The following ZIC1 variants were observed in gnomAD, a reference collection of about 807,000 sequenced individuals.
ZIC1 encodes the protein Zic family zinc finger 1.
Under a neutral mutation model 30.9 loss-of-function variants are expected in ZIC1, and 4 were observed. That is an observed-to-expected ratio of 0.13 (90% CI 0.06 to 0.30). The LOEUF (loss-of-function observed/expected upper bound fraction) is 0.30, where lower values mean the gene tolerates loss of function less well. ZIC1 is among the 10% of genes least tolerant of loss of function. ZIC1 has a pLI of 1.00. For missense variants in ZIC1, 441 were observed against 639.3 expected (o/e 0.69, Z 3.34); for synonymous variants, 305 against 277.5 (o/e 1.10, Z -0.98).
At position 147,410,674 on chromosome 3, in the gene ZIC1, C is replaced by T; in HGVS notation, c.562C>T (p.His188Tyr). Reference sequence around the variant, plus strand: ...CCAGGTGACCAGCCCGCGTTCGGAGCACTATGCTGCGCCGCAGCTGCACGG... The same window carrying T: ...CCAGGTGACCAGCCCGCGTTCGGAGTACTATGCTGCGCCGCAGCTGCACGG... Reference protein sequence around the residue: ...YGQVTSPRSEHYAAPQLHGYG... With the variant: ...YGQVTSPRSEYYAAPQLHGYG... Residue 188 changes from histidine to tyrosine, a missense_variant, in exon 1 of 3, where the codon CAC (histidine) becomes TAC (tyrosine). Around this residue, in one of 5 missense-constraint regions of ZIC1, gnomAD observed 307 missense variants for 355.3 expected, o/e 0.86. Coordinates refer to ENST00000282928, the MANE Select transcript of ZIC1 (RefSeq NM_003412.4). 1.2e-6 allele frequency: 2 copies of T among 1,613,932 alleles called. No homozygotes were observed. The highest frequency in any genetic ancestry group is 2.2e-5 in the South Asian group (2 of 91,074).
At position 147,413,443 on chromosome 3, in the gene ZIC1, C is replaced by T. The variant is rs1476628838; in HGVS notation, c.1236C>T (p.Pro412=). 1 of 1,614,106 alleles carries T rather than the reference C, an allele frequency of 6.2e-7. No individual in the cohort carries two copies. The highest frequency in any genetic ancestry group is 8.5e-7 in the Non-Finnish European group (1 of 1,180,060). Reference sequence around the variant, plus strand: ...CCACGCCTCCCACCATCGTGTCTCCCTCCACAGACAACCCGACCACAAGCT... The same window carrying T: ...CCACGCCTCCCACCATCGTGTCTCCTTCCACAGACAACCCGACCACAAGCT... ...ESSTPPTIVS[P]STDNPTTSSL... Residue 412 remains proline, a synonymous_variant, in exon 3 of 3, where the codon CCC becomes CCT. Transcript: ENST00000282928.
Position 147,410,453 on chromosome 3 carries a change from C to G in ZIC1, c.341C>G (p.Ala114Gly), listed in dbSNP as rs766422891. 7 of 1,604,408 alleles carry G rather than the reference C, an allele frequency of 4.4e-6. No homozygotes were observed. The highest frequency in any genetic ancestry group is 5.1e-6 in the Non-Finnish European group (6 of 1,179,502). The change falls in exon 1 of 3, where the codon GCC becomes GGC. Residue 114 changes from alanine to glycine, a missense_variant. Coordinates refer to ENST00000282928, the MANE Select transcript of ZIC1 (RefSeq NM_003412.4). ...NRGFGDAAAA[A>G]SAQHSLFAAS... ...GGTTTTGGCGACGCGGCGGCGGCAG[C>G]CAGCGCACAGCACAGCCTCTTTGCT...
Position 147,410,137 on chromosome 3 carries a change from T to C in ZIC1, c.25T>C (p.Tyr9His). 2 of 1,589,582 alleles carry C rather than the reference T, an allele frequency of 1.3e-6. No homozygotes were observed. The highest frequency in any genetic ancestry group is 1.7e-6 in the Non-Finnish European group (2 of 1,175,014). The change falls in exon 1 of 3, where the codon TAC becomes CAC. Residue 9 changes from tyrosine (Y) to histidine (H), a missense_variant. Tyr to His is a moderately conservative substitution (Grantham distance 83). Around this residue, in one of 5 missense-constraint regions of ZIC1, gnomAD observed 307 missense variants for 355.3 expected, o/e 0.86. Transcript: ENST00000282928. The stretch of plus-strand genomic sequence containing the variant: ...GATGCTCCTGGACGCCGGCCCCCAG[T>C]ACCCAGCGATCGGCGTGACCACCTT... MLLDAGPQ[Y>H]PAIGVTTFGA...
In ZIC1 at chr3:147,416,583, C is replaced by T. The variant is rs1387291974; in HGVS notation, c.*3032C>T. Reference sequence around the variant, plus strand: ...GGGGTAAATGTTTACTTCAAAATGACTCCATATTTCAAATATCTGTTTAGA... The same window carrying T: ...GGGGTAAATGTTTACTTCAAAATGATTCCATATTTCAAATATCTGTTTAGA... On this transcript the variant is annotated 3_prime_UTR_variant, in exon 3 of 3. Transcript: ENST00000282928. 2.0e-5 allele frequency: 3 copies of T among 152,132 alleles called. No individual in the cohort carries two copies. Among genetic ancestry groups the T allele is most frequent in the Non-Finnish European group, 4.4e-5 (3 of 68,014 alleles). 9.4% of individuals were successfully genotyped at this position (152,132 alleles called of 1,614,324 possible). A position where few individuals can be genotyped will look rare whatever the true frequency, so the allele number is the denominator to read the frequency against.
chr3:147,411,925 C>T (rs2087383728), intron 1 of ZIC1, among the ~76,000 whole-genome samples: 1 of 152,132 alleles, frequency 6.6e-6, no homozygotes, highest in African/African-American at 2.4e-5. Flanking sequence ...AACTGGGTCT[C>T]CTTTCCTATT....
At position 147,410,250 on chromosome 3, in the gene ZIC1, C is replaced by T; in HGVS notation, c.138C>T (p.Ala46=). The T allele has an allele frequency of 1.2e-6, 2 of 1,601,148 alleles. No individual in the cohort carries two copies. The part of the protein sequence containing the change: ...GINPFADGMG[A]FKLNPSSHEL... Reference sequence around the variant, plus strand: ...ACCCGTTCGCCGACGGCATGGGCGCCTTCAAGCTCAACCCCAGTTCGCACG... The same window carrying T: ...ACCCGTTCGCCGACGGCATGGGCGCTTTCAAGCTCAACCCCAGTTCGCACG... Residue 46 remains alanine, a synonymous_variant, in exon 1 of 3, where the codon GCC becomes GCT. Transcript: ENST00000282928.
chr3:147,411,860 T>C (rs1244576494), intron 1 of ZIC1, among the ~76,000 whole-genome samples: 2 of 150,276 alleles, frequency 1.3e-5, no homozygotes, highest in Non-Finnish European at 3.0e-5. Flanking sequence ...GAGCTCAGGG[T>C]TGTAGCCTGG....
At position 147,410,611 on chromosome 3, in the gene ZIC1, T is replaced by C. The variant is rs754324265; in HGVS notation, c.499T>C (p.Phe167Leu). Reference sequence around the variant, plus strand: ...GGTCAACGGGCAGATGAGGCTCGGCTTCTCGGGGGACATGTACCCGCGACC... The same window carrying C: ...GGTCAACGGGCAGATGAGGCTCGGCCTCTCGGGGGACATGTACCCGCGACC... ...NVVNGQMRLG[F>L]SGDMYPRPEQ... is the part of the protein sequence containing the mutation. The change falls in exon 1 of 3, where the codon TTC (phenylalanine) becomes CTC (leucine). Residue 167 changes from phenylalanine to leucine, a missense_variant. Phe to Leu is a conservative substitution (Grantham distance 22, BLOSUM62 0). Around this residue, in one of 5 missense-constraint regions of ZIC1, gnomAD observed 307 missense variants for 355.3 expected, o/e 0.86. Transcript: ENST00000282928. 6.2e-7 allele frequency: 1 copy of C among 1,613,336 alleles called. No homozygotes were observed. The highest frequency in any genetic ancestry group is 2.2e-5 in the East Asian group (1 of 44,852).
rs2087340427 is a variant in ZIC1, at chr3:147,409,396, A to G, written c.-717A>G. ...TTTATCTGCAGGAATGATTGCTGCT[A>G]TCAGTCTCGCGCTCACCGCCCGGCT... On this transcript the variant is annotated 5_prime_UTR_variant, in exon 1 of 3. Coordinates refer to ENST00000282928, the MANE Select transcript of ZIC1 (RefSeq NM_003412.4). The G allele has an allele frequency of 6.6e-6, 1 of 152,662 alleles. No individual in the cohort carries two copies. Among genetic ancestry groups the G allele is most frequent in the Non-Finnish European group, 1.5e-5 (1 of 68,054 alleles). The allele number at this position is 152,662 out of a possible 1,614,324, so 9.5% of individuals were successfully genotyped here.
Position 147,410,536 on chromosome 3 carries a change from C to T in ZIC1, c.424C>T (p.Leu142Phe). The T allele has an allele frequency of 6.2e-7, 1 of 1,610,380 alleles. No homozygotes were observed. The highest frequency in any genetic ancestry group is 8.5e-7 in the Non-Finnish European group (1 of 1,179,270). Residue 142 changes from leucine to phenylalanine, a missense_variant, in exon 1 of 3, where the codon CTC becomes TTC. Transcript: ENST00000282928. ...HGHTDAAGHL[L>F]FPGLHEQAAG... ...CCACACGGACGCCGCGGGCCACCTC[C>T]TCTTCCCCGGGCTTCACGAGCAGGC...
At position 147,410,171 on chromosome 3, in the gene ZIC1, C is replaced by T. The variant is rs2107992621; in HGVS notation, c.59C>T (p.Ser20Phe). The T allele has an allele frequency of 6.3e-7, 1 of 1,599,626 alleles. No homozygotes were observed. The highest frequency in any genetic ancestry group is 1.7e-5 in the Admixed American group (1 of 59,944). The stretch of plus-strand genomic sequence containing the variant: ...ATCGGCGTGACCACCTTTGGCGCGT[C>T]CCGCCACCACTCCGCGGGCGACGTG... Reference protein sequence around the residue: ...PAIGVTTFGASRHHSAGDVAE... With the variant: ...PAIGVTTFGAFRHHSAGDVAE... Residue 20 changes from serine to phenylalanine, a missense_variant, in exon 1 of 3, where the codon TCC becomes TTC. By Grantham distance (155) the Ser-to-Phe change is radical. Transcript: ENST00000282928.
Position 147,410,246 on chromosome 3 carries a change from G to C in ZIC1, c.134G>C (p.Gly45Ala), listed in dbSNP as rs764013113. 3.2e-5 allele frequency: 51 copies of C among 1,601,016 alleles called. No homozygotes were observed. Among genetic ancestry groups the C allele is most frequent in the Non-Finnish European group, 4.2e-5 (50 of 1,179,694 alleles). Reference sequence around the variant, plus strand: ...ATCAACCCGTTCGCCGACGGCATGGGCGCCTTCAAGCTCAACCCCAGTTCG... The same window carrying C: ...ATCAACCCGTTCGCCGACGGCATGGCCGCCTTCAAGCTCAACCCCAGTTCG... ...LGINPFADGM[G>A]AFKLNPSSHE... The change falls in exon 1 of 3, where the codon GGC (glycine) becomes GCC (alanine). Residue 45 changes from glycine (G) to alanine (A), a missense_variant. This residue lies in a region of ZIC1 where 307 missense variants were observed against 355.3 expected (regional missense o/e 0.86). Transcript: ENST00000282928.
Position 147,414,219 on chromosome 3 carries a change from A to G in ZIC1, c.*668A>G, listed in dbSNP as rs897863871. The G allele has an allele frequency of 1.3e-5, 2 of 152,584 alleles. No homozygotes were observed. The highest frequency in any genetic ancestry group is 4.8e-5 in the African/African-American group (2 of 41,418). The allele number at this position is 152,584 out of a possible 1,614,324, so 9.5% of individuals were successfully genotyped here. On this transcript the variant is annotated 3_prime_UTR_variant, in exon 3 of 3. Coordinates refer to ENST00000282928, the MANE Select transcript of ZIC1 (RefSeq NM_003412.4). ...TGCTTTTTTTGTATAAAGTGCAAAC[A>G]TTTCGTCCCAAAGTCTAAGTACTTT... is the stretch of plus-strand genomic sequence containing the variant.
In ZIC1 at chr3:147,412,636, C is replaced by T. The variant is rs777958545; in HGVS notation, c.1101C>T (p.Cys367=). ...TSDKPYLCKM[C]DKSYTHPSSL... ...ACAAGCCCTATCTTTGCAAGATGTG[C>T]GACAAGTCCTACACGCATCCCAGTT... Residue 367 remains cysteine, a synonymous_variant, in exon 2 of 3, where the codon TGC becomes TGT. Transcript: ENST00000282928. The T allele has an allele frequency of 6.2e-7, 1 of 1,614,182 alleles. No homozygotes were observed. Among genetic ancestry groups the T allele is most frequent in the Non-Finnish European group, 8.5e-7 (1 of 1,180,032 alleles).
chr3:147,412,845 G>C (rs1184084505), intron 2 of ZIC1, among the ~76,000 whole-genome samples, 164 bp downstream of exon 2: 3 of 152,192 alleles, frequency 2.0e-5, no homozygotes, highest in Admixed American at 1.3e-4. Flanking sequence ...GGCGGGACCT[G>C]GAAAAGGGGA....
Position 147,413,403 on chromosome 3 carries a change from C to T in ZIC1, c.1196C>T (p.Ser399Phe), listed in dbSNP as rs2087400103. 1 of 1,614,010 alleles carries T rather than the reference C, an allele frequency of 6.2e-7. No homozygotes were observed. The highest frequency in any genetic ancestry group is 1.7e-5 in the Admixed American group (1 of 60,004). ...TCGCAGCCTTCGCCGGCCGCCAGCT[C>T]TGGCTACGAATCCTCCACGCCTCCC... is the stretch of plus-strand genomic sequence containing the variant. ...QGSQPSPAASSGYESSTPPTI... is the reference protein window; with the variant it reads ...QGSQPSPAASFGYESSTPPTI... Residue 399 changes from serine to phenylalanine, a missense_variant, in exon 3 of 3, where the codon TCT becomes TTT. Physicochemically the swap from Ser to Phe is radical, Grantham distance 155 (BLOSUM62 -2). Around this residue, in one of 5 missense-constraint regions of ZIC1, gnomAD observed 31 missense variants for 65.2 expected, o/e 0.48. Transcript: ENST00000282928.
chr3:147,410,692 C>T lies in ZIC1; in HGVS notation c.580C>T (p.Leu194=). 6.2e-7 allele frequency: 1 copy of T among 1,613,984 alleles called. No homozygotes were observed. Among genetic ancestry groups the T allele is most frequent in the South Asian group, 1.1e-5 (1 of 91,072 alleles). Residue 194 remains leucine, a synonymous_variant, in exon 1 of 3, where the codon CTG becomes TTG. Transcript: ENST00000282928. ...PRSEHYAAPQ[L]HGYGPMNVNM... ...TTCGGAGCACTATGCTGCGCCGCAG[C>T]TGCACGGCTACGGGCCCATGAACGT...
intron 2 of ZIC1, among the ~76,000 whole-genome samples, chr3:147,413,066 A>G (rs1176541640): frequency 6.6e-6 from 1 of 152,142 alleles, no homozygotes; most frequent in Non-Finnish European, 1.5e-5. Context: ...CTAAACATGG[A>G]CAAGCAAAGT....
chr3:147,412,715 C>G (rs1175398231), intron 2 of ZIC1, 34 bp downstream of exon 2: 1 of 1,596,036 alleles, frequency 6.3e-7, no homozygotes, highest in Admixed American at 1.7e-5. Context: ...CCCTTTGAGG[C>G]AGGAGCTCTC....
Sources: allele counts gnomAD v4.1 joint callset (sites outside exome capture counted in the v4.1 genomes callset), GRCh38; gene constraint gnomAD v4.1.1; regional missense constraint gnomAD v4.1.1; transcripts MANE v1.5; gene names NCBI Gene and HGNC (gene_info 2026-07-23, HGNC 2026-07-21).